CDH18: variants seen among roughly 807,000 people sequenced by gnomAD.
The protein encoded by CDH18 is cadherin 18.
CDH18 carries 31 observed loss-of-function variants against 67.9 expected under a neutral mutation model. That is an observed-to-expected ratio of 0.46 (90% CI 0.34 to 0.62). The LOEUF is 0.62. Ranked by LOEUF, CDH18 falls within the 20% of genes least tolerant of loss-of-function variation. CDH18 has a pLI of 0.01. For missense variants in CDH18, 890 were observed against 975.5 expected (o/e 0.91, Z 1.17); for synonymous variants, 362 against 347.2 (o/e 1.04, Z -0.48).
intron 1 of CDH18, among the ~76,000 whole-genome samples, chr5:20,329,815 C>T (rs1462131209): frequency 7.3e-6 from 1 of 137,224 alleles, no homozygotes; most frequent in Non-Finnish European, 1.6e-5. Flanking sequence ...TAATTTTAGT[C>T]TGTGTACATA....
At chr5:19,988,961 G>T (rs1799816927), upstream of CDH18, among the ~76,000 whole-genome samples, 1 of 152,104 alleles carries the variant, frequency 6.6e-6, no homozygotes, top group Non-Finnish European at 1.5e-5. Context: ...CTTTGATTGT[G>T]CCAGGAAACC....
intron 2 of CDH18, among the ~76,000 whole-genome samples, chr5:19,978,884 C>T (rs1330678253): frequency 6.6e-6 from 1 of 152,112 alleles, no homozygotes; most frequent in East Asian, 1.9e-4. Flanking sequence ...ACCTTAATTC[C>T]ATCTGCAACC....
chr5:19,796,370 A>C (rs905532463), intron 3 of CDH18, among the ~76,000 whole-genome samples: 2 of 152,166 alleles, frequency 1.3e-5, no homozygotes, highest in Non-Finnish European at 2.9e-5. Context: ...GGCAATTCAA[A>C]TGACAGTAGA....
chr5:19,822,990 C>A (rs1370787012), intron 3 of CDH18, among the ~76,000 whole-genome samples: 3 of 152,188 alleles, frequency 2.0e-5, no homozygotes, highest in African/African-American at 7.2e-5. Flanking sequence ...TTCTCTTTCT[C>A]AGGGATGTTC....
At chr5:20,350,533 A>T (rs1369390794) in intron 1 of CDH18, among the ~76,000 whole-genome samples, 2 of 152,162 alleles carry the variant, frequency 1.3e-5, no homozygotes, top group Non-Finnish European at 2.9e-5. Flanking sequence ...TTAAACTACC[A>T]TCCCCAGCTT....
At chr5:19,634,304 T>C (rs1752800982) in intron 5 of CDH18, among the ~76,000 whole-genome samples, 1 of 152,126 alleles carries the variant, frequency 6.6e-6, no homozygotes, top group African/African-American at 2.4e-5. Flanking sequence ...GATAACTAGG[T>C]TGTATTGAAA....
At chr5:20,073,130 A>C (rs1297936414) in intron 2 of CDH18, among the ~76,000 whole-genome samples, 2 of 152,000 alleles carry the variant, frequency 1.3e-5, no homozygotes, top group African/African-American at 4.8e-5. Context: ...ATCTATCCCC[A>C]CATCAAATTT....
chr5:19,839,930 T>C (rs1454637573), intron 2 of CDH18, among the ~76,000 whole-genome samples: 1 of 151,710 alleles, frequency 6.6e-6, no homozygotes, highest in Non-Finnish European at 1.5e-5. Flanking sequence ...TAGCGGTAAA[T>C]AAACAGAGGA....
chr5:20,320,595 C>G (rs1737916730), intron 1 of CDH18, among the ~76,000 whole-genome samples: 1 of 152,294 alleles, frequency 6.6e-6, no homozygotes, highest in South Asian at 2.1e-4. Flanking sequence ...GTCAGCTTTA[C>G]ACATCATTAT....
At chr5:19,717,142 C>A (rs1765438094) in intron 5 of CDH18, among the ~76,000 whole-genome samples, 1 of 151,934 alleles carries the variant, frequency 6.6e-6, no homozygotes, top group African/African-American at 2.4e-5. Context: ...AAACAGTATA[C>A]TCCTGTATTT....
intron 2 of CDH18, among the ~76,000 whole-genome samples, chr5:20,100,055 G>T (rs1211974581): frequency 6.6e-6 from 1 of 152,038 alleles, no homozygotes; most frequent in Non-Finnish European, 1.5e-5. Flanking sequence ...TAAAGTGCTG[G>T]GATTACAGGG....
intron 1 of CDH18, among the ~76,000 whole-genome samples, chr5:20,379,074 C>T (rs1223888837): frequency 6.6e-6 from 1 of 151,772 alleles, no homozygotes; most frequent in Non-Finnish European, 1.5e-5. Context: ...AATTCTGTTA[C>T]CTTAGGGGTA....
At chr5:19,538,087 A>G (rs1749691794) in intron 9 of CDH18, among the ~76,000 whole-genome samples, 1 of 152,204 alleles carries the variant, frequency 6.6e-6, no homozygotes, top group Non-Finnish European at 1.5e-5. Flanking sequence ...TTGGAATGAA[A>G]ATATGCATAA....
chr5:19,923,512 C>T (rs1792740530), intron 2 of CDH18, among the ~76,000 whole-genome samples: 1 of 152,080 alleles, frequency 6.6e-6, no homozygotes, highest in Non-Finnish European at 1.5e-5. Flanking sequence ...TTTGCTTTTC[C>T]ATTCTTAGTG....
At chr5:19,506,740 T>A (rs560103377) in intron 10 of CDH18, among the ~76,000 whole-genome samples, 1 of 152,184 alleles carries the variant, frequency 6.6e-6, no homozygotes, top group Admixed American at 6.6e-5. Context: ...TTACACCTTA[T>A]ACAAAAATTA....
At chr5:19,711,024 T>C (rs542623779) in intron 5 of CDH18, among the ~76,000 whole-genome samples, 1 of 152,110 alleles carries the variant, frequency 6.6e-6, no homozygotes, top group Non-Finnish European at 1.5e-5. Context: ...TTCAACAAAT[T>C]GTTCTGGGAA....
chr5:20,272,852 C>T (rs1745538341), intron 1 of CDH18, among the ~76,000 whole-genome samples: 1 of 151,982 alleles, frequency 6.6e-6, no homozygotes. Context: ...TGAATGACCA[C>T]TATTATTCTC....
chr5:19,710,783 T>C (rs1293494243), intron 5 of CDH18, among the ~76,000 whole-genome samples: 1 of 152,148 alleles, frequency 6.6e-6, no homozygotes, highest in Non-Finnish European at 1.5e-5. Flanking sequence ...AGTTAGATAA[T>C]GTAGGCCTTC....
At chr5:20,126,512 AAAC>A (rs1365579060) in intron 2 of CDH18, among the ~76,000 whole-genome samples, 2 of 152,194 alleles carry the variant, frequency 1.3e-5, no homozygotes, top group African/African-American at 4.8e-5. Context: ...ACAATCAACA[AAAC>A]AAAAGGGCAA....
Sources: allele counts gnomAD v4.1 joint callset (sites outside exome capture counted in the v4.1 genomes callset), GRCh38; gene constraint gnomAD v4.1.1; transcripts MANE v1.5; gene names NCBI Gene and HGNC (gene_info 2026-07-23, HGNC 2026-07-21).